The following CREB5 variants were observed in gnomAD, a reference collection of about 807,000 sequenced individuals.
CREB5 encodes cyclic AMP-responsive element-binding protein 5.
Under a neutral mutation model 57.1 loss-of-function variants are expected in CREB5, and 19 were observed. The ratio of observed to expected loss-of-function variants is 0.33; its 90% CI spans 0.23 to 0.49. CREB5 has a LOEUF of 0.49. Ranked by LOEUF, CREB5 falls within the 20% of genes least tolerant of loss-of-function variation. CREB5 has a pLI of 0.99. For synonymous variants in CREB5, 238 were observed against 238.3 expected, an observed-to-expected ratio of 1.00 and a Z score of 0.01; for missense variants, 579 against 671.6, an observed-to-expected ratio of 0.86 and a Z score of 1.52.
At chr7:28,425,453 C>A (rs1049775921) in intron 1 of CREB5, among the ~76,000 whole-genome samples, 1 of 151,344 alleles carries the variant, frequency 6.6e-6, no homozygotes, top group Non-Finnish European at 1.5e-5. Flanking sequence ...GTGGGGAGTT[C>A]AGGGGTGACC....
intron 1 of CREB5, among the ~76,000 whole-genome samples, chr7:28,472,195 T>G (rs775458268): frequency 6.6e-6 from 1 of 151,376 alleles, no homozygotes; most frequent in African/African-American, 2.4e-5. Flanking sequence ...TTAGGTTTGG[T>G]TATATGGGAT....
At chr7:28,510,693 G>A (rs891357426) in intron 4 of CREB5, among the ~76,000 whole-genome samples, 1 of 152,178 alleles carries the variant, frequency 6.6e-6, no homozygotes, top group African/African-American at 2.4e-5. Context: ...TGTGTATATA[G>A]AATCAGCGCA....
intron 1 of CREB5, among the ~76,000 whole-genome samples, chr7:28,405,666 C>T (rs762137852): frequency 1.3e-5 from 2 of 152,196 alleles, no homozygotes; most frequent in Non-Finnish European, 1.5e-5. Flanking sequence ...ATCCTCCCGT[C>T]TCAGCCTCCC....
intron 1 of CREB5, among the ~76,000 whole-genome samples, chr7:28,421,895 A>C (rs1788277342): frequency 7.6e-6 from 1 of 131,216 alleles, no homozygotes; most frequent in African/African-American, 2.6e-5. Flanking sequence ...ATAAAATACC[A>C]TATATATAGA....
chr7:28,688,952 G>A (rs1451466586), intron 5 of CREB5, among the ~76,000 whole-genome samples: 1 of 152,068 alleles, frequency 6.6e-6, no homozygotes, highest in Non-Finnish European at 1.5e-5. Context: ...CAGAGACAAG[G>A]CCAGGAGCAC....
chr7:28,507,653 C>A lies in CREB5; in HGVS notation c.207C>A (p.Cys69Ter). 1.9e-6 allele frequency: 3 copies of A among 1,610,454 alleles called. No individual in the cohort carries two copies. Among genetic ancestry groups the A allele is most frequent in the Non-Finnish European group, 2.5e-6 (3 of 1,177,518 alleles). ...CCCCAACGAGATTCCTGAAGAACTGCGAGGAGGTGGGCCTCTTCAGCGAGC... is the reference window on the plus strand; with the variant it reads ...CCCCAACGAGATTCCTGAAGAACTGAGAGGAGGTGGGCCTCTTCAGCGAGC... ...TPTPTRFLKN[C>*]EEVGLFSELD... Residue 69 changes from cysteine to a stop codon, truncating the protein, a stop_gained, in exon 4 of 11, where the codon TGC becomes TGA. Coordinates refer to ENST00000357727, the MANE Select transcript of CREB5 (RefSeq NM_182898.4). LOFTEE classifies it high-confidence loss of function.
At chr7:28,348,395 CTG>C (rs1286192453) in intron 1 of CREB5, among the ~76,000 whole-genome samples, 1,311 of 114,196 alleles carry the variant, frequency 0.011, 9 homozygotes, top group Non-Finnish European at 0.015. Flanking sequence ...CTCTCTCTCT[CTG>C]TCTCTCTCTC....
At chr7:28,754,280 T>C (rs1805159995) in intron 7 of CREB5, among the ~76,000 whole-genome samples, 1 of 152,212 alleles carries the variant, frequency 6.6e-6, no homozygotes, top group South Asian at 2.1e-4. Flanking sequence ...TCGGTTTGTT[T>C]GTGCCGGGCT....
intron 7 of CREB5, among the ~76,000 whole-genome samples, chr7:28,784,272 T>G (rs528232444): frequency 6.6e-5 from 10 of 152,190 alleles, no homozygotes; most frequent in Admixed American, 5.2e-4. Context: ...CAGGAATCCT[T>G]TGGCTTCTCA....
intron 5 of CREB5, among the ~76,000 whole-genome samples, chr7:28,712,667 G>A (rs1802463599): frequency 6.6e-6 from 1 of 150,798 alleles, no homozygotes; most frequent in African/African-American, 2.4e-5. Flanking sequence ...CCGAGTAGCT[G>A]GGATTACAGG....
At chr7:28,522,981 G>T (rs1793276023) in intron 4 of CREB5, among the ~76,000 whole-genome samples, 1 of 152,198 alleles carries the variant, frequency 6.6e-6, no homozygotes, top group Non-Finnish European at 1.5e-5. Context: ...CACTCGCTGT[G>T]AGGTGTTTTG....
Position 28,560,845 on chromosome 7 carries a change from C to CGTGTGCGT in CREB5, c.292-9519_292-9518insTGTGCGTG, listed in dbSNP as rs1396686194. 7.3e-5 allele frequency among the ~76,000 whole-genome samples: 3 copies of CGTGTGCGT among 41,320 alleles called. 1 individual carries two copies. The highest frequency in any genetic ancestry group is 1.1e-4 in the Non-Finnish European group (2 of 17,838). 27.1% of individuals were successfully genotyped at this position (41,320 alleles called of 152,430 possible). A position where few individuals can be genotyped will look rare whatever the true frequency, so the allele number is the denominator to read the frequency against. ...GTGCGCGCGCGCGCGTGTGTGTGTGCGCGTGTGTGTGTGCGTGTGCCTGCG... is the reference window on the plus strand; with the variant it reads ...GTGCGCGCGCGCGCGTGTGTGTGTGCGTGTGCGTGCGTGTGTGTGTGCGTGTGCCTGCG... On this transcript the variant is annotated intron_variant, in intron 4 of 10. Coordinates refer to ENST00000357727, the MANE Select transcript of CREB5 (RefSeq NM_182898.4).
chr7:28,369,940 G>T (rs1446437540), intron 1 of CREB5, among the ~76,000 whole-genome samples: 1 of 152,200 alleles, frequency 6.6e-6, no homozygotes. Flanking sequence ...AACCTGAATA[G>T]GGCCGTGGTT....
intron 5 of CREB5, among the ~76,000 whole-genome samples, chr7:28,684,552 T>A (rs1225275671): frequency 6.6e-6 from 1 of 152,190 alleles, no homozygotes; most frequent in East Asian, 1.9e-4. Flanking sequence ...CAGATGAATA[T>A]CCCTGACCTC....
intron 5 of CREB5, among the ~76,000 whole-genome samples, chr7:28,697,113 A>T (rs1161403893): frequency 6.6e-6 from 1 of 152,160 alleles, no homozygotes; most frequent in Non-Finnish European, 1.5e-5. Flanking sequence ...AATAATACTT[A>T]ATTTTTACTG....
chr7:28,758,227 TCA>T (rs995729799), intron 7 of CREB5, among the ~76,000 whole-genome samples: 5 of 152,180 alleles, frequency 3.3e-5, no homozygotes, highest in Non-Finnish European at 7.4e-5. Flanking sequence ...GGATTTGTGC[TCA>T]CAGGTATCTG....
At chr7:28,699,730 A>C (rs941877715) in intron 5 of CREB5, among the ~76,000 whole-genome samples, 2 of 152,190 alleles carry the variant, frequency 1.3e-5, no homozygotes, top group African/African-American at 4.8e-5. Context: ...AGTAGGGCCA[A>C]ATTATGGCTC....
At chr7:28,348,406 TCTCACACACA>T (rs1786116642) in intron 1 of CREB5, among the ~76,000 whole-genome samples, 2 of 32,118 alleles carry the variant, frequency 6.2e-5, no homozygotes, top group Non-Finnish European at 1.5e-4. Context: ...TGTCTCTCTC[TCTCACACACA>T]CACACACACA....
chr7:28,618,660 C>T (rs1350772059), intron 5 of CREB5, among the ~76,000 whole-genome samples: 1 of 152,216 alleles, frequency 6.6e-6, no homozygotes, highest in Non-Finnish European at 1.5e-5. Context: ...CCTCCCGTCT[C>T]AGCAGGCATG....
Sources: allele counts gnomAD v4.1 joint callset (sites outside exome capture counted in the v4.1 genomes callset), GRCh38; gene constraint gnomAD v4.1.1; transcripts MANE v1.5; gene names NCBI Gene and HGNC (gene_info 2026-07-23, HGNC 2026-07-21).